The following SMAD4 variants were observed in gnomAD, a reference collection of about 807,000 sequenced individuals.
The protein encoded by SMAD4 is MAD homolog 4.
A neutral mutation model predicts 63.2 loss-of-function variants in SMAD4; 7 were observed. The ratio of observed to expected loss-of-function variants is 0.11; its 90% CI spans 0.06 to 0.21. SMAD4 has a LOEUF of 0.21. Among genes scored for constraint, SMAD4 ranks in the 10% least tolerant of loss-of-function variants. The probability of loss-of-function intolerance (pLI) is 1.00; values close to 1 mark genes in which losing one functional copy is unlikely to be tolerated. For synonymous variants in SMAD4, 215 were observed against 235.4 expected, an observed-to-expected ratio of 0.91 and a Z score of 0.79; for missense variants, 312 against 693.8, an observed-to-expected ratio of 0.45 and a Z score of 6.18.
intron 11 of SMAD4, 39 bp from the exon 12 acceptor site, chr18:51,078,217 A>T (rs758087098): frequency 6.6e-7 from 1 of 1,513,234 alleles, no homozygotes; most frequent in South Asian, 1.1e-5. Flanking sequence ...GGAAGAGATC[A>T]CCCTGTCCCT....
At chr18:51,037,014 A>T (rs1042879753) in intron 1 of SMAD4, among the ~76,000 whole-genome samples, 1 of 152,088 alleles carries the variant, frequency 6.6e-6, no homozygotes, top group East Asian at 1.9e-4. Context: ...ACAAAAATTC[A>T]TTGGGCATGG....
chr18:51,031,156 T>A (rs1221687453), intron 1 of SMAD4, among the ~76,000 whole-genome samples: 1 of 152,200 alleles, frequency 6.6e-6, no homozygotes, highest in Admixed American at 6.5e-5. Context: ...CAGGACACAT[T>A]CTTAGCACCT....
chr18:51,082,453 T>A lies in SMAD4; in HGVS notation c.*3986T>A, dbSNP rs930524361. 8 of 229,472 alleles carry A rather than the reference T, an allele frequency of 3.5e-5. No homozygotes were observed. The highest frequency in any genetic ancestry group is 1.8e-4 in the African/African-American group (8 of 45,212). The allele number at this position is 229,472 out of a possible 1,614,324, so 14.2% of individuals were successfully genotyped here. On this transcript the variant is annotated 3_prime_UTR_variant, in exon 12 of 12. Transcript: ENST00000342988. ...CTAGGCCCAGCCTTATCCCTAGCAG[T>A]TGTCCCAGTGCTGCTAGGTTGCTTA...
intron 10 of SMAD4, among the ~76,000 whole-genome samples, chr18:51,074,408 A>T (rs145741938): frequency 3.9e-4 from 59 of 152,296 alleles, no homozygotes; most frequent in Non-Finnish European, 7.4e-4. Context: ...GAAGATACAC[A>T]TATGGCAAAC....
intron 10 of SMAD4, among the ~76,000 whole-genome samples, chr18:51,071,318 TGAG>T (rs1359144921): frequency 6.6e-6 from 1 of 151,894 alleles, no homozygotes; most frequent in African/African-American, 2.4e-5. Flanking sequence ...TTAATTAAAA[TGAG>T]GAAAACACAC....
intron 5 of SMAD4, among the ~76,000 whole-genome samples, chr18:51,056,478 A>C (rs1289261051): frequency 6.6e-6 from 1 of 151,994 alleles, no homozygotes; most frequent in South Asian, 2.1e-4. Flanking sequence ...ATGTTCCCTT[A>C]TGTGGTGGCA....
chr18:51,052,792 C>T (rs1909744305), intron 4 of SMAD4: 1 of 188,878 alleles, frequency 5.3e-6, no homozygotes, highest in Admixed American at 5.5e-5. Flanking sequence ...TACATACCTC[C>T]TTTCTTACAC....
At chr18:51,073,331 TTAAG>T (rs781168343) in intron 10 of SMAD4, among the ~76,000 whole-genome samples, 1 of 138,186 alleles carries the variant, frequency 7.2e-6, no homozygotes, top group African/African-American at 2.7e-5. Context: ...GAGATTATAA[TTAAG>T]TTTTATTCCC....
chr18:51,084,486 C>G lies in SMAD4; in HGVS notation c.*6019C>G, dbSNP rs1359124398. ...ATTCATATTTTCAAGGACCTGGGAGCCTTCCTTGGGGCTGGGTTGAGGGTG... is the reference window on the plus strand; with the variant it reads ...ATTCATATTTTCAAGGACCTGGGAGGCTTCCTTGGGGCTGGGTTGAGGGTG... On this transcript the variant is annotated 3_prime_UTR_variant, in exon 12 of 12. Transcript: ENST00000342988. 4.6e-6 allele frequency: 1 copy of G among 218,160 alleles called. No individual in the cohort carries two copies. Among genetic ancestry groups the G allele is most frequent in the Non-Finnish European group, 9.2e-6 (1 of 109,064 alleles). 13.5% of individuals were successfully genotyped at this position (218,160 alleles called of 1,614,324 possible). A position where few individuals can be genotyped will look rare whatever the true frequency, so the allele number is the denominator to read the frequency against.
At chr18:51,052,251 A>G (rs1909731803) in intron 4 of SMAD4, 1 of 152,612 alleles carries the variant, frequency 6.6e-6, no homozygotes, top group Non-Finnish European at 1.5e-5. Flanking sequence ...CATCATTCTC[A>G]TGATACTTCT....
intron 2 of SMAD4, 115 bp from the exon 3 acceptor site, chr18:51,048,571 T>C: frequency 1.1e-6 from 1 of 934,232 alleles, no homozygotes; most frequent in Non-Finnish European, 1.7e-6. Context: ...AGTTTTCTTA[T>C]TTATGAAATG....
rs549543668 is a variant in SMAD4 at position 51,055,115 on chromosome 18, C to G, written c.667+122C>G. The G allele has an allele frequency of 5.2e-6, 4 of 762,622 alleles. No individual in the cohort carries two copies. In the African/African-American group the frequency reaches 6.8e-5, roughly 13 times the overall value. The allele number at this position is 762,622 out of a possible 1,614,324, so 47.2% of individuals were successfully genotyped here. A position where few individuals can be genotyped will look rare whatever the true frequency, so the allele number is the denominator to read the frequency against. ...CATTAAAAGTAACTGTAGTATCTTT[C>G]ATAGGTAAACAGGTATTAAACAGGT... On this transcript the variant is annotated intron_variant, in intron 5 of 11. Coordinates refer to ENST00000342988, the MANE Select transcript of SMAD4 (RefSeq NM_005359.6).
chr18:51,044,876 C>A (rs1909494194), intron 1 of SMAD4: 1 of 152,202 alleles, frequency 6.6e-6, no homozygotes, highest in African/African-American at 2.4e-5. Context: ...ACTCCAAAAT[C>A]TCCCATGCAG....
At chr18:51,071,970 A>G (rs1910329276) in intron 10 of SMAD4, among the ~76,000 whole-genome samples, 1 of 152,236 alleles carries the variant, frequency 6.6e-6, no homozygotes, top group Non-Finnish European at 1.5e-5. Flanking sequence ...TTATGGCTGA[A>G]TAGTGCTCCA....
chr18:51,048,652 T>G (rs1462509775), intron 2 of SMAD4, 34 bp from the exon 3 acceptor site: 2 of 1,592,888 alleles, frequency 1.3e-6, no homozygotes, highest in Non-Finnish European at 8.6e-7. Flanking sequence ...TTGCATAATG[T>G]GACACATGAA....
At chr18:51,046,029 G>C (rs1909533319) in intron 1 of SMAD4, among the ~76,000 whole-genome samples, 1 of 152,158 alleles carries the variant, frequency 6.6e-6, no homozygotes, top group Non-Finnish European at 1.5e-5. Flanking sequence ...TTCATCAGTT[G>C]ATGGACATTT....
chr18:51,053,659 A>G (rs1011982985), intron 4 of SMAD4: 1 of 152,172 alleles, frequency 6.6e-6, no homozygotes, highest in Admixed American at 6.5e-5. Context: ...ACTGCCTTAA[A>G]CTAGTCTCAA....
At chr18:51,074,925 GT>G (rs1372778076) in intron 10 of SMAD4, among the ~76,000 whole-genome samples, 4 of 152,228 alleles carry the variant, frequency 2.6e-5, no homozygotes, top group Middle Eastern at 3.4e-3. Context: ...GTCTTGGCTG[GT>G]CTTGAACTCC....
chr18:51,057,600 C>T (rs1395851172), intron 5 of SMAD4, among the ~76,000 whole-genome samples: 1 of 152,198 alleles, frequency 6.6e-6, no homozygotes, highest in Non-Finnish European at 1.5e-5. Context: ...ATCTTTTTAA[C>T]TTCCTCATCT....
Sources: allele counts gnomAD v4.1 joint callset (sites outside exome capture counted in the v4.1 genomes callset), GRCh38; gene constraint gnomAD v4.1.1; transcripts MANE v1.5; gene names NCBI Gene and HGNC (gene_info 2026-07-23, HGNC 2026-07-21).